AGBL4: variants seen among roughly 807,000 people sequenced by gnomAD.
AGBL4 encodes cytosolic carboxypeptidase 6.
AGBL4 carries 58 observed loss-of-function variants against 66.4 expected under a neutral mutation model. The observed-to-expected ratio is 0.87, with a 90% CI of 0.71 to 1.09. The LOEUF (loss-of-function observed/expected upper bound fraction) is 1.09, where lower values mean the gene tolerates loss of function less well. Ranked by LOEUF, AGBL4 falls within the 50% of genes least tolerant of loss-of-function variation. AGBL4 has a pLI of 0.00. For missense variants in AGBL4, 579 were observed against 631.0 expected, an observed-to-expected ratio of 0.92 and a Z score of 0.88; for synonymous variants, 234 against 222.9, an observed-to-expected ratio of 1.05 and a Z score of -0.44.
chr1:48,897,828 TA>T lies in AGBL4; in HGVS notation c.595-30599del, dbSNP rs1202298329. Among the ~76,000 whole-genome samples, 5 of 121,914 alleles carry T rather than the reference TA, an allele frequency of 4.1e-5. No homozygotes were observed. The South Asian group carries it at 1.0e-3, about 25-fold the overall frequency. 80.0% of individuals were successfully genotyped at this position (121,914 alleles called of 152,430 possible). A position where few individuals can be genotyped will look rare whatever the true frequency, so the allele number is the denominator to read the frequency against. ...CCACTTTTTTTTTTTTTTTTTTTTT[TA>T]AGACGGAGTCTCGCTCTGTCACCAG... On this transcript the variant is annotated intron_variant, in intron 5 of 13. Transcript: ENST00000371839.
chr1:49,334,075 A>G (rs937671907), intron 3 of AGBL4, among the ~76,000 whole-genome samples: 1 of 152,214 alleles, frequency 6.6e-6, no homozygotes, highest in African/African-American at 2.4e-5. Context: ...AGTAATAATT[A>G]TAATTATAAG....
intron 3 of AGBL4, among the ~76,000 whole-genome samples, chr1:49,337,429 C>T (rs1258412690): frequency 6.6e-6 from 1 of 152,176 alleles, no homozygotes; most frequent in Non-Finnish European, 1.5e-5. Context: ...TTACTCAAAG[C>T]CATTAACACC....
chr1:48,576,420 T>C (rs899678376), intron 11 of AGBL4, among the ~76,000 whole-genome samples: 1 of 152,172 alleles, frequency 6.6e-6, no homozygotes, highest in African/African-American at 2.4e-5. Flanking sequence ...CTTTAGAGAT[T>C]TGACCAAAGC....
At chr1:48,811,961 G>A (rs1216997183) in intron 6 of AGBL4, among the ~76,000 whole-genome samples, 2 of 152,148 alleles carry the variant, frequency 1.3e-5, no homozygotes, top group Non-Finnish European at 2.9e-5. Context: ...CACAGGGATT[G>A]GGTAACTGTG....
intron 6 of AGBL4, among the ~76,000 whole-genome samples, chr1:48,754,806 G>A (rs1030410376): frequency 6.6e-6 from 1 of 152,116 alleles, no homozygotes; most frequent in Non-Finnish European, 1.5e-5. Context: ...AAAGGGGATG[G>A]AGGAGACACC....
intron 3 of AGBL4, among the ~76,000 whole-genome samples, chr1:49,407,949 A>G (rs1204246551): frequency 6.6e-6 from 1 of 152,224 alleles, no homozygotes; most frequent in African/African-American, 2.4e-5. Context: ...GCCTTTACTG[A>G]GAAATTCCCT....
chr1:49,916,966 T>A (rs1170418250), intron 1 of AGBL4, among the ~76,000 whole-genome samples: 2 of 152,120 alleles, frequency 1.3e-5, no homozygotes, highest in African/African-American at 4.8e-5. Context: ...AACCTAGAAT[T>A]TTTATCCACC....
At chr1:48,586,614 TTAGAAGGAG>T (rs1644824552) in intron 11 of AGBL4, 1 of 228,186 alleles carries the variant, frequency 4.4e-6, no homozygotes, top group African/African-American at 2.3e-5. Flanking sequence ...ATGTTCAGGG[TTAGAAGGAG>T]TCAAGATCAT....
intron 3 of AGBL4, among the ~76,000 whole-genome samples, chr1:49,633,785 A>G (rs1465093290): frequency 6.6e-6 from 1 of 150,500 alleles, no homozygotes; most frequent in South Asian, 2.1e-4. Context: ...ATATTTAAAT[A>G]TTTCATAGCA....
chr1:48,714,379 A>G (rs533633682), intron 6 of AGBL4, among the ~76,000 whole-genome samples: 41 of 152,328 alleles, frequency 2.7e-4, no homozygotes, highest in Admixed American at 2.4e-3. Context: ...CACTCAGCCA[A>G]GCCACAAACC....
chr1:49,545,645 T>G (rs1023419190), intron 3 of AGBL4, among the ~76,000 whole-genome samples: 1 of 152,220 alleles, frequency 6.6e-6, no homozygotes, highest in East Asian at 1.9e-4. Context: ...GGTATATGAG[T>G]ACCTGTAATG....
At chr1:48,662,986 T>C (rs926011600) in intron 7 of AGBL4, among the ~76,000 whole-genome samples, 166 bp downstream of exon 7, 9 of 152,236 alleles carry the variant, frequency 5.9e-5, no homozygotes, top group Non-Finnish European at 2.9e-5. Flanking sequence ...TCAATAAACA[T>C]TTATTGAAAT....
At chr1:49,498,657 A>T (rs1255024138) in intron 3 of AGBL4, among the ~76,000 whole-genome samples, 2 of 151,858 alleles carry the variant, frequency 1.3e-5, no homozygotes, top group African/African-American at 4.8e-5. Flanking sequence ...TTCTTAGAAA[A>T]AAAAAGCTTT....
chr1:49,934,561 T>C (rs1486899667), intron 1 of AGBL4, among the ~76,000 whole-genome samples: 1 of 151,960 alleles, frequency 6.6e-6, no homozygotes, highest in African/African-American at 2.4e-5. Context: ...GAACAACCAA[T>C]GGGTCAAAAA....
intron 6 of AGBL4, among the ~76,000 whole-genome samples, chr1:48,805,092 A>T (rs1315698155): frequency 6.6e-6 from 1 of 152,022 alleles, no homozygotes; most frequent in Non-Finnish European, 1.5e-5. Flanking sequence ...TGGGTACCAG[A>T]CCCCCATGCT....
At chr1:49,471,448 G>T (rs1646742484) in intron 3 of AGBL4, among the ~76,000 whole-genome samples, 1 of 151,844 alleles carries the variant, frequency 6.6e-6, no homozygotes, top group Non-Finnish European at 1.5e-5. Flanking sequence ...TAATTCTCTT[G>T]CAGGGTAAAA....
intron 6 of AGBL4, among the ~76,000 whole-genome samples, chr1:48,840,943 AAGG>A (rs386631069): frequency 0.17 from 25,309 of 152,154 alleles, 2,642 homozygotes; most frequent in East Asian, 0.41. Context: ...AAGCAATGAA[AAGG>A]CATGAACTAT....
At chr1:49,133,987 C>T (rs975812941) in intron 4 of AGBL4, among the ~76,000 whole-genome samples, 1 of 151,820 alleles carries the variant, frequency 6.6e-6, no homozygotes, top group Non-Finnish European at 1.5e-5. Context: ...AGGTTCTTTT[C>T]TATTTTCCCT....
intron 5 of AGBL4, among the ~76,000 whole-genome samples, chr1:48,960,483 T>C (rs755430684): frequency 1.6e-4 from 24 of 152,136 alleles, no homozygotes; most frequent in Non-Finnish European, 2.2e-4. Context: ...TTTTAAGCCA[T>C]GAGAGTGGAT....
Sources: gnomAD v4.1 joint callset for allele counts (sites outside exome capture counted in the v4.1 genomes callset) on GRCh38, gnomAD v4.1.1 for gene constraint, MANE v1.5 for transcripts, NCBI Gene and HGNC (gene_info 2026-07-23, HGNC 2026-07-21) for gene names.